ARPP21: variants seen among roughly 807,000 people sequenced by gnomAD.
ARPP21 encodes cAMP regulated phosphoprotein 21.
In ARPP21, 69 loss-of-function variants were observed where a neutral mutation model predicts 113.2. That is an observed-to-expected ratio of 0.61 (90% confidence interval 0.50 to 0.74). ARPP21 has a LOEUF of 0.74. Among genes scored for constraint, ARPP21 ranks in the 30% least tolerant of loss-of-function variants. The pLI, the probability that ARPP21 is intolerant of heterozygous loss-of-function variation, is 0.00. For missense variants in ARPP21, 1,070 were observed against 1,037.4 expected (o/e 1.03, Z -0.43); for synonymous variants, 368 against 375.5 (o/e 0.98, Z 0.23).
chr3:35,675,710 C>T (rs879413292), intron 1 of ARPP21, among the ~76,000 whole-genome samples: 1 of 151,826 alleles, frequency 6.6e-6, no homozygotes, highest in Admixed American at 6.6e-5. Flanking sequence ...CTGAACATTG[C>T]ATTTTCTCTA....
At position 35,792,272 on chromosome 3, in the gene ARPP21, G is replaced by A. The variant is rs1215388628; in HGVS notation, c.2138-110G>A. On this transcript the variant is annotated intron_variant, in intron 19 of 20. Transcript: ENST00000684406. ...AAACATCTGATAACACATTCTGAAT[G>A]TGGAGACTGAGATGTCTGAAGGCTG... 6 of 841,880 alleles carry A rather than the reference G, an allele frequency of 7.1e-6. No individual in the cohort carries two copies. In the African/African-American group the frequency reaches 1.0e-4, roughly 14 times the overall value. 52.2% of individuals were successfully genotyped at this position (841,880 alleles called of 1,614,324 possible).
intron 1 of ARPP21, among the ~76,000 whole-genome samples, chr3:35,652,759 G>A (rs1559516063): frequency 2.6e-5 from 4 of 152,010 alleles, no homozygotes. Context: ...GGAGTGTGAT[G>A]TTTTTCTGAA....
chr3:35,733,835 G>A (rs4678803), intron 15 of ARPP21, among the ~76,000 whole-genome samples: 36,512 of 151,952 alleles, frequency 0.24, 4,613 homozygotes, highest in South Asian at 0.36. Flanking sequence ...CTACTTAAGC[G>A]AATCCTTAGT....
At chr3:35,763,934 T>G (rs1292514175) in intron 19 of ARPP21, among the ~76,000 whole-genome samples, 3 of 151,990 alleles carry the variant, frequency 2.0e-5, no homozygotes, top group Admixed American at 6.6e-5. Flanking sequence ...GAGGCCAAGG[T>G]GGGAGGATCA....
At chr3:35,727,727 G>C (rs1004016105) in intron 14 of ARPP21, among the ~76,000 whole-genome samples, 2 of 152,146 alleles carry the variant, frequency 1.3e-5, no homozygotes, top group African/African-American at 2.4e-5. Context: ...TAATCTATTA[G>C]TTTGAATTTG....
chr3:35,708,991 G>A lies in ARPP21; in HGVS notation c.818G>A (p.Arg273Lys). 6.2e-7 allele frequency: 1 copy of A among 1,613,692 alleles called. No homozygotes were observed. The highest frequency in any genetic ancestry group is 8.5e-7 in the Non-Finnish European group (1 of 1,179,738). Reference sequence around the variant, plus strand: ...CAGCAAAACAGAATGCATCCATTTAGAGATGACAGACGAAGTAAATCAATT... The same window carrying A: ...CAGCAAAACAGAATGCATCCATTTAAAGATGACAGACGAAGTAAATCAATT... Reference protein sequence around the residue: ...DNQQNRMHPFRDDRRSKSIEE... With the variant: ...DNQQNRMHPFKDDRRSKSIEE... The change falls in exon 11 of 21, where the codon AGA becomes AAA. Residue 273 changes from arginine (R) to lysine (K), a missense_variant. Transcript: ENST00000684406.
intron 1 of ARPP21, among the ~76,000 whole-genome samples, chr3:35,679,298 A>T (rs1274199062): frequency 6.6e-6 from 1 of 151,914 alleles, no homozygotes; most frequent in African/African-American, 2.4e-5. Flanking sequence ...AGAATGTTTC[A>T]TTAAATCAAA....
chr3:35,764,052 A>C (rs2095869494), intron 19 of ARPP21, among the ~76,000 whole-genome samples: 2 of 152,014 alleles, frequency 1.3e-5, no homozygotes, highest in South Asian at 2.1e-4. Flanking sequence ...AGAGGATTGA[A>C]TTGCTAAGGA....
At chr3:35,685,861 A>T (rs1359816783) in intron 5 of ARPP21, 3 of 723,728 alleles carry the variant, frequency 4.1e-6, no homozygotes, top group Non-Finnish European at 5.1e-6. Context: ...TAAAAATATT[A>T]AAAAATAACA....
chr3:35,727,460 T>A (rs2093619990), intron 14 of ARPP21, among the ~76,000 whole-genome samples: 1 of 152,252 alleles, frequency 6.6e-6, no homozygotes, highest in Non-Finnish European at 1.5e-5. Context: ...ATTATCATTC[T>A]TCTAAAGATT....
chr3:35,753,756 T>C (rs558092591), intron 19 of ARPP21, among the ~76,000 whole-genome samples: 30 of 152,124 alleles, frequency 2.0e-4, no homozygotes, highest in African/African-American at 5.8e-4. Flanking sequence ...GTTTCTGATA[T>C]AATAGCGAGC....
chr3:35,707,851 C>CA (rs201653445), intron 10 of ARPP21, among the ~76,000 whole-genome samples: 3,395 of 133,686 alleles, frequency 0.025, 106 homozygotes, highest in African/African-American at 0.074. Flanking sequence ...AAGTAAATGG[C>CA]AAAAAAAAAA....
intron 6 of ARPP21, among the ~76,000 whole-genome samples, chr3:35,689,103 T>G (rs1379858883): frequency 6.6e-6 from 1 of 151,560 alleles, no homozygotes; most frequent in African/African-American, 2.4e-5. Context: ...TATTCAGGAT[T>G]TATTGGGTGT....
At chr3:35,702,439 TCTCC>T (rs924164403) in intron 9 of ARPP21, among the ~76,000 whole-genome samples, 14 of 151,780 alleles carry the variant, frequency 9.2e-5, no homozygotes, top group African/African-American at 3.4e-4. Context: ...AATTTTTAAG[TCTCC>T]AAATCCACGT....
At chr3:35,668,438 C>T (rs1175957990) in intron 1 of ARPP21, among the ~76,000 whole-genome samples, 1 of 151,936 alleles carries the variant, frequency 6.6e-6, no homozygotes, top group Non-Finnish European at 1.5e-5. Flanking sequence ...AAGTGTAGAG[C>T]AATCATGGCC....
chr3:35,640,503 T>C (rs1254869405), intron 1 of ARPP21, 105 bp downstream of exon 1: 1 of 152,214 alleles, frequency 6.6e-6, no homozygotes, highest in Non-Finnish European at 1.5e-5. Flanking sequence ...TTGAATTTTT[T>C]CTTGTCTGTA....
chr3:35,775,513 G>C (rs1490077446), intron 19 of ARPP21, among the ~76,000 whole-genome samples: 1 of 152,072 alleles, frequency 6.6e-6, no homozygotes, highest in South Asian at 2.1e-4. Flanking sequence ...TTTACCATCT[G>C]AGCCCATCCA....
At chr3:35,739,227 C>A (rs919929369) in intron 17 of ARPP21, 90 bp from the exon 18 acceptor site, 4 of 1,460,438 alleles carry the variant, frequency 2.7e-6, no homozygotes, top group Non-Finnish European at 3.7e-6. Context: ...TCCCACAACT[C>A]CAAGAATGTG....
chr3:35,733,336 A>G (rs924570670), intron 15 of ARPP21, among the ~76,000 whole-genome samples: 1 of 152,054 alleles, frequency 6.6e-6, no homozygotes, highest in African/African-American at 2.4e-5. Flanking sequence ...TTTTTCACCT[A>G]ATGTCATATA....
Sources: allele counts gnomAD v4.1 joint callset (sites outside exome capture counted in the v4.1 genomes callset), GRCh38; gene constraint gnomAD v4.1.1; transcripts MANE v1.5; gene names NCBI Gene and HGNC (gene_info 2026-07-23, HGNC 2026-07-21).